Variants in DMXL1 observed in about 807,000 individuals in gnomAD.
DMXL1 encodes Dmx like 1.
A neutral mutation model predicts 319.2 loss-of-function variants in DMXL1; 99 were observed. That is an observed-to-expected ratio of 0.31 (90% CI 0.26 to 0.37). DMXL1 has a LOEUF of 0.37. Ranked by LOEUF, DMXL1 falls within the 10% of genes least tolerant of loss-of-function variation. DMXL1 has a pLI of 1.00. For synonymous variants in DMXL1, 1,385 were observed against 1,235.2 expected, an observed-to-expected ratio of 1.12 and a Z score of -2.54; for missense variants, 3,745 against 3,595.6, an observed-to-expected ratio of 1.04 and a Z score of -1.06.
Position 119,150,387 on chromosome 5 carries a change from C to T in DMXL1, c.4560C>T (p.Ser1520=), listed in dbSNP as rs763734264. ...TAGCAGATACAATTGCAACTACAAGCACTGATATTGGAGAAAGCCGAGACA... is the reference window on the plus strand; with the variant it reads ...TAGCAGATACAATTGCAACTACAAGTACTGATATTGGAGAAAGCCGAGACA... ...MALADTIATT[S]TDIGESRDRS... Residue 1520 remains serine (S), a synonymous_variant, in exon 18 of 44, where the codon AGC becomes AGT. Transcript: ENST00000539542. 2.0e-5 allele frequency: 33 copies of T among 1,613,176 alleles called. No homozygotes were observed. Among genetic ancestry groups the T allele is most frequent in the African/African-American group, 4.0e-5 (3 of 74,832 alleles).
intron 34 of DMXL1, among the ~76,000 whole-genome samples, chr5:119,210,757 G>GTTTTTTTTTTTTTTTTTTTTTTTCT: frequency 1.1e-5 from 1 of 89,778 alleles, no homozygotes; most frequent in African/African-American, 4.1e-5. Flanking sequence ...TTTTTCTTTC[G>GTTTTTTTTTTTTTTTTTTTTTTTCT]TTTTTTTTTT....
intron 30 of DMXL1, among the ~76,000 whole-genome samples, chr5:119,194,852 C>T (rs944582382): frequency 2.6e-5 from 4 of 151,806 alleles, no homozygotes; most frequent in African/African-American, 7.3e-5. Flanking sequence ...CGCAGGAGTT[C>T]AAGACCAGCC....
intron 42 of DMXL1, among the ~76,000 whole-genome samples, chr5:119,240,677 C>T (rs941392705): frequency 3.3e-5 from 5 of 152,064 alleles, no homozygotes; most frequent in African/African-American, 9.7e-5. Context: ...AGTGAGACAT[C>T]GATAATATAA....
chr5:119,171,098 T>A lies in DMXL1; in HGVS notation c.6307T>A (p.Leu2103Met), dbSNP rs571642383. The change falls in exon 24 of 44, where the codon TTG (leucine) becomes ATG (methionine). Residue 2103 changes from leucine to methionine, a missense_variant. This residue lies in a region of DMXL1 where 1,382 missense variants were observed against 1,269.5 expected (regional missense o/e 1.09). Transcript: ENST00000539542. Reference sequence around the variant, plus strand: ...TGGATTAAATGAGGATGCTGAAGATTTGCCTCACCAAACAAAAGTGAAACA... The same window carrying A: ...TGGATTAAATGAGGATGCTGAAGATATGCCTCACCAAACAAAAGTGAAACA... ...EFGLNEDAED[L>M]PHQTKVKQLR... The A allele has an allele frequency of 1.2e-6, 2 of 1,613,848 alleles. No homozygotes were observed. Among genetic ancestry groups the A allele is most frequent in the Admixed American group, 1.7e-5 (1 of 59,994 alleles).
chr5:119,149,774 A>G lies in DMXL1; in HGVS notation c.3947A>G (p.His1316Arg). 1 of 1,613,792 alleles carries G rather than the reference A, an allele frequency of 6.2e-7. No individual in the cohort carries two copies. The highest frequency in any genetic ancestry group is 8.5e-7 in the Non-Finnish European group (1 of 1,179,784). ...GATTCAGGTCTTTTTGAAGCAGCTC[A>G]TGTACTTTCCCCGACTCTACCTCAG... ...MEDSGLFEAA[H>R]VLSPTLPQYH... is the part of the protein sequence containing the mutation. Residue 1316 changes from histidine to arginine, a missense_variant, in exon 18 of 44, where the codon CAT (histidine) becomes CGT (arginine). Around this residue, in one of 4 missense-constraint regions of DMXL1, gnomAD observed 2,096 missense variants for 1,985.4 expected, o/e 1.06. Transcript: ENST00000539542.
chr5:119,144,112 G>C (rs1161306896), intron 14 of DMXL1, among the ~76,000 whole-genome samples, 182 bp downstream of exon 14: 6 of 151,540 alleles, frequency 4.0e-5, no homozygotes, highest in Non-Finnish European at 8.9e-5. Flanking sequence ...CTTCAAACTA[G>C]AAAACAAATT....
chr5:119,239,456 T>TC (rs970358585), intron 41 of DMXL1, among the ~76,000 whole-genome samples: 2 of 152,080 alleles, frequency 1.3e-5, no homozygotes, highest in Non-Finnish European at 1.5e-5. Flanking sequence ...CGTATGTTGG[T>TC]CCCCCCACAC....
At chr5:119,137,136 G>T (rs1397112039) in intron 13 of DMXL1, among the ~76,000 whole-genome samples, 3 of 152,246 alleles carry the variant, frequency 2.0e-5, no homozygotes, top group African/African-American at 7.2e-5. Context: ...ACCCACACCT[G>T]TGTCAATGTG....
chr5:119,166,796 TTAAA>T lies in DMXL1; in HGVS notation c.5136+19_5136+22del. Reference sequence around the variant, plus strand: ...ATGCAATTGAGGTAATGAGTGAAATTTAAATAACAAAGTATAGCAATGTCATCTT... The same window carrying T: ...ATGCAATTGAGGTAATGAGTGAAATTTAACAAAGTATAGCAATGTCATCTT... On this transcript the variant is annotated intron_variant, in intron 22 of 43. Coordinates refer to ENST00000539542, the MANE Select transcript of DMXL1 (RefSeq NM_001290321.3). 6.3e-7 allele frequency: 1 copy of T among 1,592,182 alleles called. No individual in the cohort carries two copies. The highest frequency in any genetic ancestry group is 8.5e-7 in the Non-Finnish European group (1 of 1,170,976).
rs1331864796 is a variant in DMXL1 at position 119,188,739 on chromosome 5, T to G, written c.7136-969T>G. Among the ~76,000 whole-genome samples the G allele has an allele frequency of 2.6e-5, 4 of 152,264 alleles. No individual in the cohort carries two copies. In the East Asian group the frequency reaches 7.7e-4, roughly 29 times the overall value. On this transcript the variant is annotated intron_variant, in intron 28 of 43. Coordinates refer to ENST00000539542, the MANE Select transcript of DMXL1 (RefSeq NM_001290321.3). ...TCTTAGAATACTAATATTTTATTCATCTTTCCCTTTTTCTGAAATAACCAA... is the reference window on the plus strand; with the variant it reads ...TCTTAGAATACTAATATTTTATTCAGCTTTCCCTTTTTCTGAAATAACCAA...
intron 5 of DMXL1, among the ~76,000 whole-genome samples, chr5:119,111,345 A>G (rs1369118646): frequency 2.0e-5 from 3 of 152,218 alleles, no homozygotes; most frequent in South Asian, 2.1e-4. Context: ...CTGGACTTCA[A>G]AAATTTAGTA....
chr5:119,078,097 A>G (rs1258468953), intron 1 of DMXL1, among the ~76,000 whole-genome samples: 1 of 151,970 alleles, frequency 6.6e-6, no homozygotes, highest in East Asian at 1.9e-4. Context: ...ATTTAGTGGT[A>G]CAAGGATTAT....
intron 1 of DMXL1, among the ~76,000 whole-genome samples, chr5:119,075,481 C>T (rs150031597): frequency 3.3e-5 from 5 of 151,998 alleles, no homozygotes; most frequent in African/African-American, 9.6e-5. Context: ...TCAAATGATC[C>T]GCCCACCTCG....
At position 119,238,993 on chromosome 5, in the gene DMXL1, G is replaced by A; in HGVS notation, c.8564G>A (p.Trp2855Ter). 6.2e-7 allele frequency: 1 copy of A among 1,613,618 alleles called. No homozygotes were observed. The highest frequency in any genetic ancestry group is 8.5e-7 in the Non-Finnish European group (1 of 1,179,834). Residue 2855 changes from tryptophan to a stop codon, truncating the protein, a stop_gained, in exon 41 of 44, where the codon TGG becomes TAG. Transcript: ENST00000539542. LOFTEE classifies it high-confidence loss of function. Reference sequence around the variant, plus strand: ...TATTGTTTGTAACCATTCCAGACTTGGCAGTGTCATAACAAAACAGCCAAT... The same window carrying A: ...TATTGTTTGTAACCATTCCAGACTTAGCAGTGTCATAACAAAACAGCCAAT... ...TGSMPKPYLT[W>*]QCHNKTANDF...
chr5:119,072,900 C>G (rs1057388093), intron 1 of DMXL1, among the ~76,000 whole-genome samples: 2 of 152,132 alleles, frequency 1.3e-5, no homozygotes, highest in Non-Finnish European at 2.9e-5. Context: ...CTATAGTTTC[C>G]TTACACCTGG....
Position 119,167,541 on chromosome 5 carries a change from C to T in DMXL1, c.5137-62C>T, listed in dbSNP as rs1020644845. The T allele has an allele frequency of 2.6e-5, 36 of 1,370,706 alleles. No homozygotes were observed. The African/African-American group carries it at 4.4e-4, about 17-fold the overall frequency. 84.9% of individuals were successfully genotyped at this position (1,370,706 alleles called of 1,614,324 possible). On this transcript the variant is annotated intron_variant, in intron 22 of 43. Coordinates refer to ENST00000539542, the MANE Select transcript of DMXL1 (RefSeq NM_001290321.3). Reference sequence around the variant, plus strand: ...ATTTTTCTAGTTATTAGTGAGTTAACAGAATTTATCCTAAAATGAAACCTG... The same window carrying T: ...ATTTTTCTAGTTATTAGTGAGTTAATAGAATTTATCCTAAAATGAAACCTG...
In DMXL1 at chr5:119,220,110, C is replaced by T. The variant is rs1052992070; in HGVS notation, c.8014-362C>T. Among the ~76,000 whole-genome samples, 6 of 151,418 alleles carry T rather than the reference C, an allele frequency of 4.0e-5. 1 individual carries two copies. In the East Asian group the frequency reaches 1.2e-3, roughly 29 times the overall value. On this transcript the variant is annotated intron_variant, in intron 35 of 43. Coordinates refer to ENST00000539542, the MANE Select transcript of DMXL1 (RefSeq NM_001290321.3). ...TTTTAGTTTGGAGTTCCTTATTGCC[C>T]TCACCTTTCTGTACCCTACAGGTTC...
intron 19 of DMXL1, among the ~76,000 whole-genome samples, chr5:119,156,530 A>C (rs754681376): frequency 1.3e-5 from 2 of 152,170 alleles, no homozygotes; most frequent in Non-Finnish European, 2.9e-5. Flanking sequence ...TAACTAAACT[A>C]TTGTGAAGAA....
In DMXL1 at chr5:119,150,087, C is replaced by T. The variant is rs905144555; in HGVS notation, c.4260C>T (p.Tyr1420=). 5.0e-6 allele frequency: 8 copies of T among 1,612,816 alleles called. No individual in the cohort carries two copies. The highest frequency in any genetic ancestry group is 4.2e-6 in the Non-Finnish European group (5 of 1,179,306). Residue 1420 remains tyrosine, a synonymous_variant, in exon 18 of 44, where the codon TAC becomes TAT. Coordinates refer to ENST00000539542, the MANE Select transcript of DMXL1 (RefSeq NM_001290321.3). The part of the protein sequence containing the change: ...ALLAADDDSC[Y]SSLEKSSNES... ...TTGCAGCAGATGATGATAGCTGTTACTCATCTTTGGAGAAATCTAGTAATG... is the reference window on the plus strand; with the variant it reads ...TTGCAGCAGATGATGATAGCTGTTATTCATCTTTGGAGAAATCTAGTAATG...
Sources: gnomAD v4.1 joint callset for allele counts (sites outside exome capture counted in the v4.1 genomes callset) on GRCh38, gnomAD v4.1.1 for gene constraint, gnomAD v4.1.1 regional missense constraint, MANE v1.5 for transcripts, NCBI Gene and HGNC (gene_info 2026-07-23, HGNC 2026-07-21) for gene names.